The following SHISA6 variants were observed in gnomAD, a reference collection of about 807,000 sequenced individuals.
SHISA6 encodes the protein shisa family member 6.
In SHISA6, 22 loss-of-function variants were observed where a neutral mutation model predicts 47.9. The ratio of observed to expected loss-of-function variants is 0.46; its 90% confidence interval spans 0.33 to 0.66. The LOEUF is 0.66. Among genes scored for constraint, SHISA6 ranks in the 30% least tolerant of loss-of-function variants. SHISA6 has a pLI of 0.02. For missense variants in SHISA6, 680 were observed against 764.6 expected (o/e 0.89, Z 1.30); for synonymous variants, 388 against 337.8 (o/e 1.15, Z -1.63).
At chr17:11,277,318 A>AC (rs1555525234) in intron 2 of SHISA6, among the ~76,000 whole-genome samples, 1 of 127,988 alleles carries the variant, frequency 7.8e-6, no homozygotes, top group Non-Finnish European at 1.7e-5. Flanking sequence ...ACACACACAC[A>AC]CCCCGCATGT....
Position 11,241,809 on chromosome 17 carries a change from C to T in SHISA6, c.387C>T (p.Cys129=), listed in dbSNP as rs1353920891. The change falls in exon 1 of 6, where the codon TGC becomes TGT. Residue 129 remains cysteine (C), a synonymous_variant. Coordinates refer to ENST00000441885, the MANE Select transcript of SHISA6 (RefSeq NM_207386.4). The surrounding 1 kb of genome is among the most constrained non-coding windows in gnomAD (Gnocchi z 5.5). ...GCGGTACCTGCTACTACCGCTTCTG[C>T]TGCAAGAAGCGCCACGAGAAGCTGG... ...YCCGTCYYRF[C]CKKRHEKLDQ... is the part of the protein sequence containing the mutation. The T allele has an allele frequency of 3.2e-6, 5 of 1,550,644 alleles. No individual in the cohort carries two copies. In the South Asian group the frequency reaches 5.9e-5, roughly 18 times the overall value.
chr17:11,552,118 T>C (rs1452245254), intron 4 of SHISA6, among the ~76,000 whole-genome samples, 166 bp downstream of exon 4: 6 of 152,190 alleles, frequency 3.9e-5, no homozygotes, highest in Non-Finnish European at 7.3e-5. Context: ...AATGCTCTAA[T>C]CTCACTTGTA....
chr17:11,342,128 G>A (rs188557646), intron 2 of SHISA6, among the ~76,000 whole-genome samples: 189 of 152,148 alleles, frequency 1.2e-3, no homozygotes, highest in African/African-American at 4.1e-3. Flanking sequence ...AGAAGCCTCC[G>A]CCCACTTTGC....
chr17:11,344,699 A>G (rs1008068614), intron 2 of SHISA6, among the ~76,000 whole-genome samples: 1 of 152,180 alleles, frequency 6.6e-6, no homozygotes, highest in Non-Finnish European at 1.5e-5. Flanking sequence ...GTGATATTTC[A>G]ATACCTGTAT....
intron 2 of SHISA6, among the ~76,000 whole-genome samples, chr17:11,274,857 TGTGGTCGGA>T (rs1448039157): frequency 1.3e-5 from 2 of 152,224 alleles, no homozygotes; most frequent in East Asian, 1.9e-4. Flanking sequence ...AGGGAGGTTG[TGTGGTCGGA>T]GTGATCATCA....
At chr17:11,411,649 G>A (rs1273545612) in intron 3 of SHISA6, among the ~76,000 whole-genome samples, 9 of 151,850 alleles carry the variant, frequency 5.9e-5, no homozygotes, top group South Asian at 2.1e-4. Flanking sequence ...CGCCCTCCTC[G>A]GCCTCCCAAA....
rs1345567148 is a variant in SHISA6, at chr17:11,398,888, G to C, written c.895+19379G>C. 2.0e-5 allele frequency among the ~76,000 whole-genome samples: 3 copies of C among 151,910 alleles called. No homozygotes were observed. The East Asian group carries it at 5.8e-4, about 29-fold the overall frequency. The stretch of plus-strand genomic sequence containing the variant: ...TTACAGGCATGAGCCACCACACCGG[G>C]TCCCAATAGTACTTTTGATCATTCT... On this transcript the variant is annotated intron_variant, in intron 3 of 5. Transcript: ENST00000441885.
intron 3 of SHISA6, among the ~76,000 whole-genome samples, chr17:11,548,741 CTGCTTAAATA>C (rs902791395): frequency 1.1e-4 from 17 of 152,006 alleles, no homozygotes; most frequent in African/African-American, 4.1e-4. Flanking sequence ...AATAGGGGAC[CTGCTTAAATA>C]TGCTTAAATA....
chr17:11,263,372 G>T lies in SHISA6; in HGVS notation c.645G>T (p.Leu215=). The change falls in exon 2 of 6, where the codon CTG becomes CTT. Residue 215 remains leucine (L), a synonymous_variant. Transcript: ENST00000441885. ...PPREMNIHRA[L]ADILRQQGPI... is the part of the protein sequence containing the mutation. Reference sequence around the variant, plus strand: ...TGATCTCCTCCTTGTTTAGGGCTCTGGCTGACATCTTAAGACAACAGGGAC... The same window carrying T: ...TGATCTCCTCCTTGTTTAGGGCTCTTGCTGACATCTTAAGACAACAGGGAC... 1 of 1,552,104 alleles carries T rather than the reference G, an allele frequency of 6.4e-7. No homozygotes were observed. The highest frequency in any genetic ancestry group is 1.4e-5 in the African/African-American group (1 of 73,132).
At chr17:11,319,612 C>G (rs924935832) in intron 2 of SHISA6, among the ~76,000 whole-genome samples, 1 of 152,194 alleles carries the variant, frequency 6.6e-6, no homozygotes, top group Non-Finnish European at 1.5e-5. Context: ...CTCTAACCAT[C>G]TAAATAAGTC....
rs75959166 is a variant in SHISA6 at position 11,510,140 on chromosome 17, C to A, written c.896-41756C>A. ...CTTGGTGGTCCCAGGCTGGAGAGTC[C>A]TTTCCCTCAGCTATATTACTCACTG... On this transcript the variant is annotated intron_variant, in intron 3 of 5. Coordinates refer to ENST00000441885, the MANE Select transcript of SHISA6 (RefSeq NM_207386.4). Among the ~76,000 whole-genome samples the A allele has an allele frequency of 3.3e-3, 499 of 151,490 alleles. 2 individuals carry two copies. Among genetic ancestry groups the A allele is most frequent in the South Asian group, 0.018 (83 of 4,704 alleles).
intron 3 of SHISA6, among the ~76,000 whole-genome samples, chr17:11,421,170 T>C (rs1296133426): frequency 1.3e-5 from 2 of 152,232 alleles, no homozygotes; most frequent in Non-Finnish European, 2.9e-5. Flanking sequence ...TCTCATATTC[T>C]GAGATTTTAT....
intron 3 of SHISA6, among the ~76,000 whole-genome samples, chr17:11,382,567 C>G (rs1430274934): frequency 1.3e-5 from 2 of 152,208 alleles, no homozygotes; most frequent in Non-Finnish European, 2.9e-5. Flanking sequence ...AATGTGGGGT[C>G]ACTTTCATTT....
chr17:11,481,694 T>C (rs1916228353), intron 3 of SHISA6, among the ~76,000 whole-genome samples: 1 of 151,998 alleles, frequency 6.6e-6, no homozygotes, highest in Admixed American at 6.6e-5. Flanking sequence ...GGTTTCACCA[T>C]GTTGATCAGG....
chr17:11,461,998 G>A (rs528328768), intron 3 of SHISA6, among the ~76,000 whole-genome samples: 1 of 152,316 alleles, frequency 6.6e-6, no homozygotes, highest in African/African-American at 2.4e-5. Context: ...AGTTCATTTT[G>A]TGTTGATATT....
At chr17:11,441,108 T>G (rs1286587205) in intron 3 of SHISA6, among the ~76,000 whole-genome samples, 1 of 152,138 alleles carries the variant, frequency 6.6e-6, no homozygotes, top group African/African-American at 2.4e-5. Context: ...CCTTCTTCCC[T>G]CCATGACTTC....
intron 1 of SHISA6, among the ~76,000 whole-genome samples, chr17:11,252,971 G>A (rs941535390): frequency 3.3e-5 from 5 of 152,186 alleles, no homozygotes; most frequent in African/African-American, 7.2e-5. Context: ...ATATCAATGC[G>A]TTTCAGTGCT....
intron 3 of SHISA6, among the ~76,000 whole-genome samples, chr17:11,481,356 G>GTAAATATATATATATA (rs1417264013): frequency 1.7e-5 from 2 of 121,184 alleles, no homozygotes; most frequent in African/African-American, 6.2e-5. Context: ...GTGTGTGTGT[G>GTAAATATATATATATA]TGTGTGTGTG....
At chr17:11,376,841 T>C (rs1912819008) in intron 2 of SHISA6, among the ~76,000 whole-genome samples, 1 of 152,146 alleles carries the variant, frequency 6.6e-6, no homozygotes, top group African/African-American at 2.4e-5. Context: ...GAATGGAAAT[T>C]GTCAGGCCTC....
Sources: allele counts gnomAD v4.1 joint callset (sites outside exome capture counted in the v4.1 genomes callset), GRCh38; gene constraint gnomAD v4.1.1; non-coding constraint Gnocchi (gnomAD v3.1); transcripts MANE v1.5; gene names NCBI Gene and HGNC (gene_info 2026-07-23, HGNC 2026-07-21).